Variants in PUS7 observed in about 807,000 individuals in gnomAD.
PUS7 encodes pseudouridine synthase 7.
PUS7 carries 48 observed loss-of-function variants against 79.8 expected under a neutral mutation model. The ratio of observed to expected loss-of-function variants is 0.60; its 90% CI spans 0.48 to 0.76. PUS7 has a LOEUF of 0.76. PUS7 is among the 30% of genes least tolerant of loss of function. The pLI is 0.00. For synonymous variants in PUS7, 286 were observed against 272.2 expected (o/e 1.05, Z -0.50); for missense variants, 729 against 797.6 (o/e 0.91, Z 1.04).
intron 15 of PUS7, 117 bp downstream of exon 15, chr7:105,459,051 A>G (rs975432763): frequency 9.2e-6 from 5 of 544,926 alleles, no homozygotes; most frequent in East Asian, 9.1e-5. Flanking sequence ...ATAAAACACA[A>G]CAATGAAATC....
At chr7:105,482,161 C>A (rs1281103528) in intron 8 of PUS7, 151 bp downstream of exon 8, 2 of 895,172 alleles carry the variant, frequency 2.2e-6, no homozygotes, top group African/African-American at 3.4e-5. Flanking sequence ...TCTGCTCTCC[C>A]AGCCCTGCCA....
chr7:105,517,856 A>G (rs1825954495), intron 1 of PUS7, among the ~76,000 whole-genome samples: 1 of 152,140 alleles, frequency 6.6e-6, no homozygotes, highest in Admixed American at 6.5e-5. Flanking sequence ...AAAATTAAAA[A>G]ATTAGCCAGG....
chr7:105,464,907 C>T (rs1487556780), intron 13 of PUS7, among the ~76,000 whole-genome samples: 1 of 151,204 alleles, frequency 6.6e-6, no homozygotes, highest in Non-Finnish European at 1.5e-5. Context: ...CAACCTCTGC[C>T]TCCTGGGCTC....
chr7:105,467,437 C>A (rs913663627), intron 12 of PUS7, among the ~76,000 whole-genome samples: 3 of 151,644 alleles, frequency 2.0e-5, no homozygotes, highest in Admixed American at 1.3e-4. Flanking sequence ...CTACAGGCGC[C>A]TGCCACCACG....
In PUS7 at chr7:105,495,205, A is replaced by C. The variant is rs1313014708; in HGVS notation, c.779T>G (p.Phe260Cys). Residue 260 changes from phenylalanine to cysteine, a missense_variant, in exon 6 of 16, where the codon TTC becomes TGC. Physicochemically the swap from Phe to Cys is radical, Grantham distance 205. Coordinates refer to ENST00000469408, the MANE Select transcript of PUS7 (RefSeq NM_019042.5). ...GTCTTTGTTTTCCTTATATAGTACG[A>C]AGTGGCAGTAACTTCCCCTAGATTT... ...WPKSRGSYCH[F>C]VLYKENKDTM... 4 of 1,612,838 alleles carry C rather than the reference A, an allele frequency of 2.5e-6. No individual in the cohort carries two copies. The Admixed American group carries it at 6.7e-5, about 27-fold the overall frequency.
intron 1 of PUS7, among the ~76,000 whole-genome samples, 177 bp downstream of exon 1, chr7:105,521,875 G>A (rs1176454195): frequency 6.6e-6 from 1 of 151,830 alleles, no homozygotes; most frequent in Non-Finnish European, 1.5e-5. Flanking sequence ...GGTTCCAACC[G>A]TGCTCCCGCT....
chr7:105,503,790 G>A (rs1001703720), intron 4 of PUS7, among the ~76,000 whole-genome samples: 1 of 151,954 alleles, frequency 6.6e-6, no homozygotes, highest in African/African-American at 2.4e-5. Context: ...GTGCCTCCAT[G>A]CCCAGCTAAT....
In PUS7 at chr7:105,505,834, T is replaced by C. The variant is rs573311640; in HGVS notation, c.585+121A>G. On this transcript the variant is annotated intron_variant, in intron 4 of 15. Coordinates refer to ENST00000469408, the MANE Select transcript of PUS7 (RefSeq NM_019042.5). ...ATTTTTTAGTGTAATATCCTTTAGA[T>C]CCAATAGAGCAAAAAGTCACCCTTT... The C allele has an allele frequency of 3.7e-5, 30 of 800,562 alleles. 2 individuals carry two copies. The South Asian group carries it at 4.0e-4, about 11-fold the overall frequency. 49.6% of individuals were successfully genotyped at this position (800,562 alleles called of 1,614,324 possible).
intron 5 of PUS7, among the ~76,000 whole-genome samples, chr7:105,499,813 A>C (rs555829057): frequency 8.9e-4 from 135 of 152,326 alleles, no homozygotes; most frequent in African/African-American, 2.9e-3. Context: ...CTAAAAAAAA[A>C]CTGTAAATTA....
chr7:105,520,408 G>A (rs746659091), intron 1 of PUS7, among the ~76,000 whole-genome samples: 1 of 132,540 alleles, frequency 7.5e-6, no homozygotes, highest in Non-Finnish European at 1.7e-5. Context: ...GCAGTGAGCC[G>A]AGATCGCGCC....
intron 5 of PUS7, among the ~76,000 whole-genome samples, chr7:105,497,298 T>C (rs887380645): frequency 6.6e-6 from 1 of 152,198 alleles, no homozygotes; most frequent in Non-Finnish European, 1.5e-5. Flanking sequence ...TAGTAAATGC[T>C]TCCCCAAAAA....
chr7:105,502,502 TG>T lies in PUS7; in HGVS notation c.647del (p.Pro216GlnfsTer3), dbSNP rs1292756839. On this transcript the variant is annotated frameshift_variant, in exon 5 of 16. Coordinates refer to ENST00000469408, the MANE Select transcript of PUS7 (RefSeq NM_019042.5). LOFTEE classifies it high-confidence loss of function. ...IIHQAIKSLF[P>X]GLETKTEDRE... is the part of the protein sequence containing the mutation. ...TATCCTCTGTTTTTGTCTCTAATCC[TG>T]GAAACAGAGATTTGATAGCCTGATG... 6.2e-7 allele frequency: 1 copy of T among 1,613,858 alleles called. No individual in the cohort carries two copies. Among genetic ancestry groups the T allele is most frequent in the Non-Finnish European group, 8.5e-7 (1 of 1,179,872 alleles).
At chr7:105,507,604 C>G (rs1303639484) in intron 2 of PUS7, among the ~76,000 whole-genome samples, 1 of 151,510 alleles carries the variant, frequency 6.6e-6, no homozygotes, top group East Asian at 2.0e-4. Context: ...TGCAGTGGTG[C>G]AATCTCGGCT....
intron 1 of PUS7, among the ~76,000 whole-genome samples, chr7:105,513,634 G>A (rs1046378159): frequency 4.7e-5 from 7 of 149,026 alleles, no homozygotes; most frequent in African/African-American, 1.8e-4. Context: ...TCAGGAGATC[G>A]AGACCAACCT....
At chr7:105,498,137 C>T (rs542199164) in intron 5 of PUS7, among the ~76,000 whole-genome samples, 2 of 152,216 alleles carry the variant, frequency 1.3e-5, no homozygotes, top group Non-Finnish European at 2.9e-5. Flanking sequence ...ACTGAGCATG[C>T]ATACAATTAT....
intron 1 of PUS7, among the ~76,000 whole-genome samples, chr7:105,508,871 T>TAAAAAAAAAAAAAAAAA (rs34249093): frequency 4.4e-5 from 1 of 22,890 alleles, no homozygotes; most frequent in East Asian, 1.2e-3. Flanking sequence ...GACATTGTCT[T>TAAAAAAAAAAAAAAAAA]AAAAAAAAAA....
intron 6 of PUS7, among the ~76,000 whole-genome samples, chr7:105,493,567 C>A (rs956627374): frequency 2.6e-5 from 4 of 152,124 alleles, no homozygotes; most frequent in Non-Finnish European, 5.9e-5. Flanking sequence ...AAGCTCTGAC[C>A]CCCCAGGACC....
chr7:105,478,277 GC>G (rs1824187316), intron 9 of PUS7, among the ~76,000 whole-genome samples: 1 of 152,172 alleles, frequency 6.6e-6, no homozygotes, highest in Non-Finnish European at 1.5e-5. Context: ...TCTTTTGGCT[GC>G]TATGAACATC....
At chr7:105,484,126 C>T (rs563594163) in intron 7 of PUS7, among the ~76,000 whole-genome samples, 10 of 152,246 alleles carry the variant, frequency 6.6e-5, no homozygotes, top group African/African-American at 2.4e-4. Flanking sequence ...GATTTTTACA[C>T]TCTAAGAGTC....
Sources: gnomAD v4.1 joint callset for allele counts (sites outside exome capture counted in the v4.1 genomes callset) on GRCh38, gnomAD v4.1.1 for gene constraint, MANE v1.5 for transcripts, NCBI Gene and HGNC (gene_info 2026-07-23, HGNC 2026-07-21) for gene names.